Variants in WASHC3 observed in about 807,000 individuals in gnomAD.
The protein encoded by WASHC3 is WASH complex subunit CCDC53.
In WASHC3, 24 loss-of-function variants were observed where a neutral mutation model predicts 26.1. The observed-to-expected ratio is 0.92, with a 90% CI of 0.66 to 1.29. The LOEUF (loss-of-function observed/expected upper bound fraction) is 1.29, where lower values mean the gene tolerates loss of function less well. WASHC3 is among the 50% of genes most tolerant of loss of function. WASHC3 has a pLI of 0.00. For missense variants in WASHC3, 214 were observed against 229.6 expected (o/e 0.93, Z 0.44); for synonymous variants, 77 against 75.7 (o/e 1.02, Z -0.09).
intron 5 of WASHC3, among the ~76,000 whole-genome samples, chr12:102,036,551 C>G (rs1394709420): frequency 6.6e-6 from 1 of 151,866 alleles, no homozygotes; most frequent in African/African-American, 2.4e-5. Context: ...TGAAAATCAC[C>G]CCTAAACAAT....
At chr12:102,027,759 GA>G (rs1397659194) in intron 5 of WASHC3, among the ~76,000 whole-genome samples, 4 of 152,130 alleles carry the variant, frequency 2.6e-5, no homozygotes, top group Non-Finnish European at 5.9e-5. Context: ...AGGTTACTTA[GA>G]AGACTCTCAT....
chr12:102,017,791 C>CTTT (rs1256602177), intron 6 of WASHC3: 2 of 434,738 alleles, frequency 4.6e-6, no homozygotes, highest in East Asian at 1.5e-4. Flanking sequence ...TCATTTTTTT[C>CTTT]TTTTTTTAAT....
At chr12:102,059,526 T>C (rs1387229218) in intron 2 of WASHC3, 1 of 152,096 alleles carries the variant, frequency 6.6e-6, no homozygotes, top group Non-Finnish European at 1.5e-5. Flanking sequence ...TTGATCATAA[T>C]CTATCAATAA....
intron 2 of WASHC3, among the ~76,000 whole-genome samples, chr12:102,054,592 A>G (rs370140192): frequency 6.6e-6 from 1 of 152,210 alleles, no homozygotes; most frequent in African/African-American, 2.4e-5. Context: ...AGAAAATTCA[A>G]TAAAACAGCA....
chr12:102,015,130 C>A (rs1446319442), intron 6 of WASHC3, among the ~76,000 whole-genome samples: 3 of 152,076 alleles, frequency 2.0e-5, no homozygotes, highest in Non-Finnish European at 4.4e-5. Context: ...GGGCAAAACA[C>A]CATCCTTTGC....
In WASHC3 at chr12:102,061,915, G is replaced by T; in HGVS notation, c.48C>A (p.Thr16=). The T allele has an allele frequency of 6.3e-7, 1 of 1,597,666 alleles. No homozygotes were observed. Among genetic ancestry groups the T allele is most frequent in the Non-Finnish European group, 8.5e-7 (1 of 1,171,370 alleles). The stretch of plus-strand genomic sequence containing the variant: ...TCTAGCACCGTCTTTTACAAACCTT[G>T]GTCAGGTCTATGCCTGACCCCATGA... ...LPLMGSGIDL[T]KVPAIQQKRT... is the part of the protein sequence containing the mutation. The change falls in exon 1 of 7, where the codon ACC becomes ACA. Residue 16 remains threonine (T), a synonymous_variant. Coordinates refer to ENST00000240079, the MANE Select transcript of WASHC3 (RefSeq NM_016053.4).
intron 2 of WASHC3, among the ~76,000 whole-genome samples, chr12:102,056,403 A>G (rs916587900): frequency 1.1e-4 from 17 of 152,332 alleles, no homozygotes; most frequent in African/African-American, 4.1e-4. Context: ...CAGAAAACAG[A>G]ACAATGCATT....
intron 5 of WASHC3, among the ~76,000 whole-genome samples, chr12:102,028,113 T>C (rs932985776): frequency 6.6e-6 from 1 of 152,124 alleles, no homozygotes; most frequent in African/African-American, 2.4e-5. Context: ...GGGCATCCGA[T>C]GTGAACAGAT....
intron 6 of WASHC3, among the ~76,000 whole-genome samples, chr12:102,025,557 C>T (rs1341541425): frequency 2.0e-5 from 3 of 151,418 alleles, no homozygotes; most frequent in South Asian, 4.2e-4. Flanking sequence ...ACTAAATTTC[C>T]TACAAACTAA....
At chr12:102,058,922 T>C (rs746804461) in intron 2 of WASHC3, among the ~76,000 whole-genome samples, 1 of 152,096 alleles carries the variant, frequency 6.6e-6, no homozygotes, top group Non-Finnish European at 1.5e-5. Context: ...CTGGAAGACA[T>C]TGTGTTAAAT....
At chr12:102,014,161 C>T (rs895558029) in intron 6 of WASHC3, among the ~76,000 whole-genome samples, 1 of 136,156 alleles carries the variant, frequency 7.3e-6, no homozygotes, top group Non-Finnish European at 1.5e-5. Flanking sequence ...CGGCTCACTG[C>T]AACCTCTGTC....
chr12:102,014,818 G>A (rs1480890711), intron 6 of WASHC3, among the ~76,000 whole-genome samples: 1 of 152,112 alleles, frequency 6.6e-6, no homozygotes, highest in Non-Finnish European at 1.5e-5. Context: ...TAGTGGGTAT[G>A]AATACTAGGC....
At chr12:102,021,550 T>TG (rs1876959473) in intron 6 of WASHC3, among the ~76,000 whole-genome samples, 1 of 152,240 alleles carries the variant, frequency 6.6e-6, no homozygotes, top group African/African-American at 2.4e-5. Context: ...TTTTTTGATA[T>TG]GGTTTTTATT....
At chr12:102,018,092 T>C (rs1451986126) in intron 6 of WASHC3, among the ~76,000 whole-genome samples, 3 of 152,244 alleles carry the variant, frequency 2.0e-5, no homozygotes, top group Non-Finnish European at 4.4e-5. Context: ...TTATTTCATT[T>C]AGTACAATGT....
intron 6 of WASHC3, among the ~76,000 whole-genome samples, chr12:102,021,777 C>T (rs1206344280): frequency 6.6e-6 from 1 of 152,160 alleles, no homozygotes; most frequent in Admixed American, 6.5e-5. Context: ...GGTAAAGATC[C>T]TCCTGGCAGA....
chr12:102,044,400 A>G (rs904570923), intron 3 of WASHC3, among the ~76,000 whole-genome samples, 188 bp from the exon 4 acceptor site: 2 of 152,200 alleles, frequency 1.3e-5, no homozygotes, highest in Non-Finnish European at 2.9e-5. Context: ...TCAAAAATCT[A>G]ATTTAGTTTA....
intron 6 of WASHC3, among the ~76,000 whole-genome samples, chr12:102,021,749 T>C (rs934155979): frequency 6.6e-6 from 1 of 152,132 alleles, no homozygotes; most frequent in Non-Finnish European, 1.5e-5. Context: ...TAATCCACTA[T>C]GTTGTTGTAT....
chr12:102,034,555 G>C (rs1177355162), intron 5 of WASHC3, among the ~76,000 whole-genome samples: 1 of 152,136 alleles, frequency 6.6e-6, no homozygotes, highest in Non-Finnish European at 1.5e-5. Context: ...TCTTGGAAAA[G>C]TGCTAAGTGG....
chr12:102,021,178 G>C (rs1876941065), intron 6 of WASHC3, among the ~76,000 whole-genome samples: 1 of 152,130 alleles, frequency 6.6e-6, no homozygotes, highest in Non-Finnish European at 1.5e-5. Flanking sequence ...AAGAACCTCT[G>C]GGTAATTAAA....
Sources: gnomAD v4.1 joint callset for allele counts (sites outside exome capture counted in the v4.1 genomes callset) on GRCh38, gnomAD v4.1.1 for gene constraint, MANE v1.5 for transcripts, NCBI Gene and HGNC (gene_info 2026-07-23, HGNC 2026-07-21) for gene names.